CAMTA1: variants seen among roughly 807,000 people sequenced by gnomAD.
The protein encoded by CAMTA1 is calmodulin binding transcription activator 1.
A neutral mutation model predicts 170.9 loss-of-function variants in CAMTA1; 27 were observed. The observed-to-expected ratio is 0.16, with a 90% CI of 0.12 to 0.22. The LOEUF (loss-of-function observed/expected upper bound fraction) is 0.22, where lower values mean the gene tolerates loss of function less well. CAMTA1 is among the 10% of genes least tolerant of loss of function. The probability of loss-of-function intolerance (pLI) is 1.00; values close to 1 mark genes in which losing one functional copy is unlikely to be tolerated. For missense variants in CAMTA1, 1,619 were observed against 2,217.2 expected (o/e 0.73, Z 5.42); for synonymous variants, 833 against 891.5 (o/e 0.93, Z 1.17).
At chr1:6,923,717 C>A (rs796903865) in intron 3 of CAMTA1, among the ~76,000 whole-genome samples, 24 of 152,198 alleles carry the variant, frequency 1.6e-4, no homozygotes, top group African/African-American at 4.6e-4. Context: ...TGACCAATGT[C>A]CTAGATCCTC....
chr1:7,580,089 G>A lies in CAMTA1; in HGVS notation c.511-60311G>A, dbSNP rs2095246150. The stretch of plus-strand genomic sequence containing the variant: ...TGGCCTGTGCCAGGCACACAGCTAG[G>A]AGCTGGGCCTTGCGGACCACAGGGA... On this transcript the variant is annotated intron_variant, in intron 6 of 22. Coordinates refer to ENST00000303635, the MANE Select transcript of CAMTA1 (RefSeq NM_015215.4). This position sits in a 1 kb window ranked among gnomAD's most constrained non-coding sequence, Gnocchi z 4.3. Among the ~76,000 whole-genome samples, 1 of 152,280 alleles carries A rather than the reference G, an allele frequency of 6.6e-6. No homozygotes were observed. The highest frequency in any genetic ancestry group is 1.5e-5 in the Non-Finnish European group (1 of 68,048).
At chr1:7,208,055 C>G (rs943018589) in intron 4 of CAMTA1, among the ~76,000 whole-genome samples, 1 of 152,264 alleles carries the variant, frequency 6.6e-6, no homozygotes, top group Non-Finnish European at 1.5e-5. Flanking sequence ...GCCTCTCTCT[C>G]CATGCTTGCT....
chr1:7,281,799 TTGTG>T (rs57489369), intron 5 of CAMTA1, among the ~76,000 whole-genome samples: 5,398 of 139,230 alleles, frequency 0.039, 186 homozygotes, highest in African/African-American at 0.097. Flanking sequence ...GGGAAAGAAA[TTGTG>T]TGTGTGTGTG....
intron 6 of CAMTA1, among the ~76,000 whole-genome samples, chr1:7,537,768 G>A (rs553897687): frequency 2.6e-5 from 4 of 152,332 alleles, no homozygotes; most frequent in African/African-American, 9.6e-5. Context: ...AATTTGGGAT[G>A]ATTTTATTCA....
chr1:7,744,430 C>A (rs1278240759), intron 16 of CAMTA1, among the ~76,000 whole-genome samples: 4 of 152,200 alleles, frequency 2.6e-5, no homozygotes, highest in African/African-American at 7.2e-5. Context: ...CTGTTCCCAG[C>A]CTAGACCGGG....
intron 6 of CAMTA1, among the ~76,000 whole-genome samples, chr1:7,491,234 G>A (rs2093698678): frequency 6.6e-6 from 1 of 152,154 alleles, no homozygotes; most frequent in South Asian, 2.1e-4. Flanking sequence ...CCAAGGCAGA[G>A]CCGGGAGGAC....
intron 4 of CAMTA1, among the ~76,000 whole-genome samples, chr1:7,197,098 G>A (rs915264756): frequency 1.3e-5 from 2 of 152,102 alleles, no homozygotes; most frequent in African/African-American, 4.8e-5. Flanking sequence ...ATCTGGCATC[G>A]TGCCATGTGT....
intron 4 of CAMTA1, among the ~76,000 whole-genome samples, chr1:7,123,755 A>G (rs1644777959): frequency 6.6e-6 from 1 of 152,084 alleles, no homozygotes; most frequent in African/African-American, 2.4e-5. Context: ...TCACCCCCAC[A>G]GCCCCTCAAT....
At chr1:7,246,267 A>G (rs1016769744) in intron 4 of CAMTA1, among the ~76,000 whole-genome samples, 1 of 152,206 alleles carries the variant, frequency 6.6e-6, no homozygotes, top group African/African-American at 2.4e-5. Flanking sequence ...TACCTACCTC[A>G]TAGGGTGGGT....
chr1:6,985,738 G>T (rs1695248928), intron 3 of CAMTA1, among the ~76,000 whole-genome samples: 1 of 152,200 alleles, frequency 6.6e-6, no homozygotes, highest in African/African-American at 2.4e-5. Flanking sequence ...GGGGAGGATT[G>T]ATGTACAGTG....
intron 1 of CAMTA1, among the ~76,000 whole-genome samples, chr1:6,790,210 A>AAG (rs1489857848): frequency 6.6e-6 from 1 of 150,860 alleles, no homozygotes; most frequent in Admixed American, 6.6e-5. Context: ...AAGTTTTTGG[A>AAG]TTGTTAACTT....
chr1:7,358,214 C>T (rs555634158), intron 5 of CAMTA1, among the ~76,000 whole-genome samples: 1 of 152,176 alleles, frequency 6.6e-6, no homozygotes, highest in Admixed American at 6.5e-5. Flanking sequence ...CCTCTGGTAC[C>T]GAGGAGGTGA....
At chr1:7,465,332 A>G (rs2093185177) in intron 5 of CAMTA1, among the ~76,000 whole-genome samples, 1 of 152,192 alleles carries the variant, frequency 6.6e-6, no homozygotes, top group Admixed American at 6.5e-5. Context: ...AAGGGGTCCC[A>G]TTCCCTGTGG....
intron 6 of CAMTA1, among the ~76,000 whole-genome samples, chr1:7,582,246 C>T (rs534047175): frequency 4.6e-5 from 7 of 152,264 alleles, no homozygotes; most frequent in Non-Finnish European, 7.4e-5. Flanking sequence ...GAAAGGAGCT[C>T]TCTCCTGTCA....
Position 7,553,434 on chromosome 1 carries a change from G to A in CAMTA1, c.510+85533G>A, listed in dbSNP as rs181764982. 1.7e-3 allele frequency among the ~76,000 whole-genome samples: 266 copies of A among 152,358 alleles called. 2 individuals carry two copies. Among genetic ancestry groups the A allele is most frequent in the African/African-American group, 6.2e-3 (257 of 41,586 alleles). ...TCAGCTGTGTATTGAGTGCTGCCAC[G>A]TGTAGGGGCTGAGATGCAGGACCCA... is the stretch of plus-strand genomic sequence containing the variant. On this transcript the variant is annotated intron_variant, in intron 6 of 22. Coordinates refer to ENST00000303635, the MANE Select transcript of CAMTA1 (RefSeq NM_015215.4).
At chr1:6,976,943 T>C (rs1693538647) in intron 3 of CAMTA1, among the ~76,000 whole-genome samples, 2 of 152,218 alleles carry the variant, frequency 1.3e-5, no homozygotes, top group Admixed American at 1.3e-4. Context: ...GCAGTTCCCC[T>C]GCACATGATT....
chr1:7,224,069 A>G lies in CAMTA1; in HGVS notation c.303-25422A>G, dbSNP rs1661270610. 6.6e-6 allele frequency among the ~76,000 whole-genome samples: 1 copy of G among 152,136 alleles called. No homozygotes were observed. Among genetic ancestry groups the G allele is most frequent in the South Asian group, 2.1e-4 (1 of 4,838 alleles). ...ATCTTAATCATAATCACTACCATGAACCCACATGACATGCAGTTGTATAAA... is the reference window on the plus strand; with the variant it reads ...ATCTTAATCATAATCACTACCATGAGCCCACATGACATGCAGTTGTATAAA... On this transcript the variant is annotated intron_variant, in intron 4 of 22. Coordinates refer to ENST00000303635, the MANE Select transcript of CAMTA1 (RefSeq NM_015215.4). This position sits in a 1 kb window ranked among gnomAD's most constrained non-coding sequence, Gnocchi z 5.2.
intron 3 of CAMTA1, among the ~76,000 whole-genome samples, chr1:6,964,829 C>T (rs1030790265): frequency 1.3e-5 from 2 of 152,140 alleles, no homozygotes; most frequent in Admixed American, 1.3e-4. Context: ...GGAAGGAGGA[C>T]CAGGAGATTT....
chr1:6,842,021 A>C (rs1173903502), intron 3 of CAMTA1, among the ~76,000 whole-genome samples: 1 of 152,182 alleles, frequency 6.6e-6, no homozygotes, highest in African/African-American at 2.4e-5. Context: ...GATCTTGCCC[A>C]GACTCAGCGC....
Sources: allele counts gnomAD v4.1 joint callset (sites outside exome capture counted in the v4.1 genomes callset), GRCh38; gene constraint gnomAD v4.1.1; non-coding constraint Gnocchi (gnomAD v3.1); transcripts MANE v1.5; gene names NCBI Gene and HGNC (gene_info 2026-07-23, HGNC 2026-07-21).